The following JARID2 variants were observed in gnomAD, a reference collection of about 807,000 sequenced individuals.
The protein encoded by JARID2 is protein Jumonji.
A neutral mutation model predicts 125.6 loss-of-function variants in JARID2; 21 were observed. That is an observed-to-expected ratio of 0.17 (90% CI 0.12 to 0.24). The LOEUF is 0.24. Among genes scored for constraint, JARID2 ranks in the 10% least tolerant of loss-of-function variants. JARID2 has a pLI of 1.00. For synonymous variants in JARID2, 736 were observed against 661.6 expected (o/e 1.11, Z -1.73); for missense variants, 1,303 against 1,639.6 (o/e 0.79, Z 3.55).
intron 3 of JARID2, among the ~76,000 whole-genome samples, chr6:15,448,196 C>T (rs1767757454): frequency 6.6e-6 from 1 of 152,218 alleles, no homozygotes; most frequent in African/African-American, 2.4e-5. Context: ...AGCTTGGCTT[C>T]TTCCTCTAAG....
intron 3 of JARID2, among the ~76,000 whole-genome samples, chr6:15,431,863 A>G (rs1409799342): frequency 3.9e-5 from 6 of 152,170 alleles, no homozygotes; most frequent in Admixed American, 1.3e-4. Context: ...TCTTAAGCCA[A>G]GTCACTAAAG....
intron 1 of JARID2, among the ~76,000 whole-genome samples, chr6:15,372,743 T>G (rs957287675): frequency 2.6e-5 from 4 of 152,022 alleles, no homozygotes; most frequent in African/African-American, 9.7e-5. Flanking sequence ...TGAGTCTCAC[T>G]CTGTCTCCCA....
intron 1 of JARID2, among the ~76,000 whole-genome samples, chr6:15,352,699 T>C (rs189712492): frequency 1.3e-5 from 2 of 152,318 alleles, no homozygotes; most frequent in East Asian, 3.9e-4. Flanking sequence ...ATGGTGTGCT[T>C]CCAGCAGGCA....
chr6:15,349,760 A>C (rs1352924585), intron 1 of JARID2, among the ~76,000 whole-genome samples: 1 of 152,198 alleles, frequency 6.6e-6, no homozygotes, highest in Non-Finnish European at 1.5e-5. Context: ...GGAAAGATGA[A>C]GGCTGGGGAT....
intron 1 of JARID2, among the ~76,000 whole-genome samples, chr6:15,372,008 G>A (rs904397220): frequency 2.6e-5 from 4 of 152,256 alleles, no homozygotes; most frequent in African/African-American, 9.6e-5. Flanking sequence ...TGCTGTAGAA[G>A]ATGGAGAATT....
At chr6:15,267,359 A>G (rs1019202195) in intron 1 of JARID2, among the ~76,000 whole-genome samples, 12 of 152,314 alleles carry the variant, frequency 7.9e-5, no homozygotes, top group African/African-American at 2.6e-4. Flanking sequence ...CTTGAGGGGC[A>G]GCAAAAGGCA....
At chr6:15,494,537 T>C (rs1352519985) in intron 6 of JARID2, among the ~76,000 whole-genome samples, 2 of 149,948 alleles carry the variant, frequency 1.3e-5, no homozygotes, top group African/African-American at 4.9e-5. Flanking sequence ...GCCTCCCAAG[T>C]AGCTGGGACT....
chr6:15,388,307 A>G (rs1350640207), intron 2 of JARID2, among the ~76,000 whole-genome samples: 3 of 152,104 alleles, frequency 2.0e-5, no homozygotes, highest in East Asian at 3.9e-4. Flanking sequence ...TGTATGGTAT[A>G]TCTTTAAAAG....
intron 12 of JARID2, 104 bp from the exon 13 acceptor site, chr6:15,511,192 G>T: frequency 1.6e-6 from 1 of 627,056 alleles, no homozygotes; most frequent in Non-Finnish European, 2.8e-6. Context: ...GTGGAGCAGA[G>T]CCTCTCGTGT....
chr6:15,436,426 G>A (rs1359890599), intron 3 of JARID2, among the ~76,000 whole-genome samples: 4 of 152,220 alleles, frequency 2.6e-5, no homozygotes, highest in Non-Finnish European at 5.9e-5. Context: ...TTCCGCTGAT[G>A]TGTTCCTCAG....
At chr6:15,426,526 G>A (rs1581547236) in intron 3 of JARID2, among the ~76,000 whole-genome samples, 1 of 152,322 alleles carries the variant, frequency 6.6e-6, no homozygotes. Flanking sequence ...TCCACACTAT[G>A]TAGGAGGTTA....
chr6:15,385,283 T>C (rs1764742416), intron 2 of JARID2, among the ~76,000 whole-genome samples: 1 of 152,122 alleles, frequency 6.6e-6, no homozygotes, highest in Non-Finnish European at 1.5e-5. Context: ...GATCTCTCTG[T>C]ATGTTTCAGG....
intron 9 of JARID2, among the ~76,000 whole-genome samples, chr6:15,506,724 T>A (rs1771021816): frequency 6.6e-6 from 1 of 152,212 alleles, no homozygotes; most frequent in South Asian, 2.1e-4. Flanking sequence ...AAGCTTTATA[T>A]AATTGGCGGT....
chr6:15,340,260 G>A (rs1409046858), intron 1 of JARID2, among the ~76,000 whole-genome samples: 2 of 152,142 alleles, frequency 1.3e-5, no homozygotes, highest in African/African-American at 4.8e-5. Flanking sequence ...TTTCCAATTT[G>A]TGTGCACCTT....
At chr6:15,349,778 C>T (rs1051659855) in intron 1 of JARID2, among the ~76,000 whole-genome samples, 6 of 152,230 alleles carry the variant, frequency 3.9e-5, no homozygotes, top group Non-Finnish European at 7.3e-5. Flanking sequence ...GATGCTACCT[C>T]CTTCCCGCAA....
chr6:15,254,753 C>T (rs1168241317), intron 1 of JARID2, among the ~76,000 whole-genome samples: 1 of 152,096 alleles, frequency 6.6e-6, no homozygotes, highest in African/African-American at 2.4e-5. Flanking sequence ...AATACATAGC[C>T]ACAGGGCCGG....
chr6:15,452,713 G>C (rs964934515), intron 4 of JARID2, among the ~76,000 whole-genome samples: 2 of 152,226 alleles, frequency 1.3e-5, no homozygotes, highest in African/African-American at 4.8e-5. Context: ...ACTCGGACCA[G>C]TTAACGGAGG....
At chr6:15,282,962 T>C (rs1484065414) in intron 1 of JARID2, among the ~76,000 whole-genome samples, 1 of 151,782 alleles carries the variant, frequency 6.6e-6, no homozygotes, top group East Asian at 1.9e-4. Context: ...GAAATCTATC[T>C]ATCTATCTAT....
chr6:15,254,283 G>C (rs761134583), intron 1 of JARID2, among the ~76,000 whole-genome samples: 2 of 152,198 alleles, frequency 1.3e-5, no homozygotes, highest in African/African-American at 4.8e-5. Flanking sequence ...CTGAGGCCCA[G>C]TGTGGGCTGC....
Sources: allele counts gnomAD v4.1 joint callset (sites outside exome capture counted in the v4.1 genomes callset), GRCh38; gene constraint gnomAD v4.1.1; transcripts MANE v1.5; gene names NCBI Gene and HGNC (gene_info 2026-07-23, HGNC 2026-07-21).